Variants in PDE1C observed in about 807,000 individuals in gnomAD.
PDE1C encodes the protein dual specificity calcium/calmodulin-dependent 3',5'-cyclic nucleotide phosphodiesterase 1C.
A neutral mutation model predicts 93.1 loss-of-function variants in PDE1C; 62 were observed. That is an observed-to-expected ratio of 0.67 (90% CI 0.54 to 0.82). The LOEUF is 0.82. Among genes scored for constraint, PDE1C ranks in the 40% least tolerant of loss-of-function variants. The pLI, the probability that PDE1C is intolerant of heterozygous loss-of-function variation, is 0.00. For missense variants in PDE1C, 742 were observed against 884.6 expected (o/e 0.84, Z 2.04); for synonymous variants, 325 against 310.1 (o/e 1.05, Z -0.50).
intron 16 of PDE1C, chr7:31,788,576 T>A (rs1784250961): frequency 6.6e-6 from 1 of 152,150 alleles, no homozygotes; most frequent in Admixed American, 6.5e-5. Flanking sequence ...CATTGCTCCT[T>A]CCTGTCTTGC....
At chr7:32,241,386 G>A (rs1348276756) in intron 1 of PDE1C, among the ~76,000 whole-genome samples, 2 of 152,172 alleles carry the variant, frequency 1.3e-5, no homozygotes, top group African/African-American at 2.4e-5. Context: ...TTAAGAAGGA[G>A]GGAGTGGCCA....
chr7:31,848,428 T>C (rs542339083), intron 8 of PDE1C, among the ~76,000 whole-genome samples: 2 of 152,264 alleles, frequency 1.3e-5, no homozygotes, highest in Admixed American at 1.3e-4. Context: ...TTCTTTATAT[T>C]TTCTGGAATG....
chr7:32,073,105 T>C (rs560769032), upstream of PDE1C, among the ~76,000 whole-genome samples: 1 of 152,300 alleles, frequency 6.6e-6, no homozygotes, highest in Non-Finnish European at 1.5e-5. Context: ...CCATACCACA[T>C]CTATGACTTT....
Position 32,182,166 on chromosome 7 carries a change from C to T in PDE1C, c.137-12210G>A, listed in dbSNP as rs185241270. Among the ~76,000 whole-genome samples the T allele has an allele frequency of 4.5e-3, 680 of 152,264 alleles. 5 individuals carry two copies. Among genetic ancestry groups the T allele is most frequent in the African/African-American group, 0.016 (651 of 41,556 alleles). ...AGTTGAGGCAATAATTAATAGCTTACCAACCAAAAAAATTCCAGGACCAGA... is the reference window on the plus strand; with the variant it reads ...AGTTGAGGCAATAATTAATAGCTTATCAACCAAAAAAATTCCAGGACCAGA... On this transcript the variant is annotated intron_variant, in intron 2 of 18. Coordinates refer to the PDE1C transcript ENST00000396193.
chr7:32,173,226 C>A (rs1296518580), intron 2 of PDE1C, among the ~76,000 whole-genome samples: 2 of 152,044 alleles, frequency 1.3e-5, no homozygotes, highest in Non-Finnish European at 1.5e-5. Context: ...ATGGGTGAAG[C>A]CGGAAGCTAT....
chr7:31,684,348 CAATT>C, the PDE1C span, among the ~76,000 whole-genome samples: 1 of 152,148 alleles, frequency 6.6e-6, no homozygotes, highest in African/African-American at 2.4e-5. Context: ...ATGCTTAACA[CAATT>C]AAGCTTCTCC....
intron 14 of PDE1C, among the ~76,000 whole-genome samples, chr7:31,818,540 T>C (rs990485829): frequency 2.0e-5 from 3 of 152,214 alleles, no homozygotes; most frequent in African/African-American, 7.2e-5. Flanking sequence ...ACCTTATCTG[T>C]ATGTATCTTC....
intron 3 of PDE1C, among the ~76,000 whole-genome samples, chr7:32,116,533 A>G (rs867973613): frequency 1.3e-5 from 2 of 152,306 alleles, no homozygotes; most frequent in Non-Finnish European, 2.9e-5. Context: ...GCCTGCTCAT[A>G]ATAGGTGCAT....
chr7:31,681,366 TGGAC>T, the PDE1C span, among the ~76,000 whole-genome samples: 47 of 115,820 alleles, frequency 4.1e-4, no homozygotes, highest in African/African-American at 6.0e-4. Context: ...GATGGATGGA[TGGAC>T]GGATGGATGG....
chr7:31,796,000 C>T (rs1228621868), intron 16 of PDE1C, among the ~76,000 whole-genome samples: 1 of 150,960 alleles, frequency 6.6e-6, no homozygotes, highest in Non-Finnish European at 1.5e-5. Flanking sequence ...AAGTTTTAAC[C>T]AGATGCATGA....
At chr7:32,380,188 T>G (rs1784506699) in intron 1 of PDE1C, among the ~76,000 whole-genome samples, 1 of 152,194 alleles carries the variant, frequency 6.6e-6, no homozygotes, top group South Asian at 2.1e-4. Flanking sequence ...TCAAAGTAAA[T>G]GTCTACAATT....
intron 1 of PDE1C, among the ~76,000 whole-genome samples, chr7:32,410,511 G>A (rs867963161): frequency 2.6e-5 from 4 of 152,050 alleles, no homozygotes; most frequent in African/African-American, 4.8e-5. Context: ...AAAACAGAGC[G>A]GTACTGGCAT....
intron 3 of PDE1C, among the ~76,000 whole-genome samples, chr7:32,134,790 G>A (rs538525441): frequency 6.6e-6 from 1 of 152,240 alleles, no homozygotes; most frequent in African/African-American, 2.4e-5. Context: ...GAGACAGATA[G>A]GACAGATAGC....
intron 2 of PDE1C, among the ~76,000 whole-genome samples, chr7:31,999,899 G>A (rs1404108098): frequency 6.6e-6 from 1 of 152,182 alleles, no homozygotes; most frequent in African/African-American, 2.4e-5. Context: ...CCCAGGAGTG[G>A]TGGGAAGAAC....
At chr7:31,825,659 G>T (rs1789559591) in intron 12 of PDE1C, among the ~76,000 whole-genome samples, 1 of 152,124 alleles carries the variant, frequency 6.6e-6, no homozygotes, top group South Asian at 2.1e-4. Flanking sequence ...AGAAGGATGA[G>T]AAAATCATTT....
intron 3 of PDE1C, among the ~76,000 whole-genome samples, chr7:32,111,626 A>C (rs73100678): frequency 0.2 from 30,844 of 152,114 alleles, 3,779 homozygotes; most frequent in Middle Eastern, 0.31. Context: ...TGAGATTCAG[A>C]CCAGGAGACC....
chr7:31,986,061 C>T (rs974637888), intron 2 of PDE1C, among the ~76,000 whole-genome samples: 2 of 152,160 alleles, frequency 1.3e-5, no homozygotes, highest in African/African-American at 4.8e-5. Flanking sequence ...ATTATTTTCT[C>T]AGGACTGCCA....
the PDE1C span, among the ~76,000 whole-genome samples, chr7:31,674,620 C>T: frequency 3.3e-5 from 5 of 152,024 alleles, no homozygotes; most frequent in East Asian, 1.9e-4. Context: ...TAGACCCACA[C>T]GTATGCAGAA....
At position 31,840,664 on chromosome 7, in the gene PDE1C, T is replaced by C. The variant is rs186733784; in HGVS notation, c.981-2693A>G. On this transcript the variant is annotated intron_variant, in intron 9 of 17. Coordinates refer to ENST00000396191, the MANE Select transcript of PDE1C (RefSeq NM_001191057.4). ...GGGTCAAAGTTATCTTTTCCCATTG[T>C]TCCAAAACCATTTGTTGAAAATATT... Among the ~76,000 whole-genome samples, 152 of 152,302 alleles carry C rather than the reference T, an allele frequency of 1.0e-3. 1 individual carries two copies. The highest frequency in any genetic ancestry group is 1.7e-3 in the Admixed American group (26 of 15,286).
Sources: gnomAD v4.1 joint callset for allele counts (sites outside exome capture counted in the v4.1 genomes callset) on GRCh38, gnomAD v4.1.1 for gene constraint, MANE v1.5 for transcripts, NCBI Gene and HGNC (gene_info 2026-07-23, HGNC 2026-07-21) for gene names.